The following ADAMTSL1 variants were observed in gnomAD, a reference collection of about 807,000 sequenced individuals.
ADAMTSL1 encodes ADAMTS-like protein 1.
A neutral mutation model predicts 201.8 loss-of-function variants in ADAMTSL1; 126 were observed. The observed-to-expected ratio is 0.62, with a 90% CI of 0.54 to 0.72. ADAMTSL1 has a LOEUF of 0.72. Among genes scored for constraint, ADAMTSL1 ranks in the 30% least tolerant of loss-of-function variants. ADAMTSL1 has a pLI of 0.00. For synonymous variants in ADAMTSL1, 1,121 were observed against 903.4 expected, an observed-to-expected ratio of 1.24 and a Z score of -4.32; for missense variants, 2,679 against 2,277.8, an observed-to-expected ratio of 1.18 and a Z score of -3.59.
intron 23 of ADAMTSL1, among the ~76,000 whole-genome samples, chr9:18,879,786 T>A (rs1041580256): frequency 1.2e-4 from 19 of 152,256 alleles, no homozygotes; most frequent in Admixed American, 9.2e-4. Context: ...ACAATGAAGT[T>A]TGCTGCATCG....
At chr9:18,472,490 A>G (rs188060696), upstream of ADAMTSL1, among the ~76,000 whole-genome samples, 68 of 152,366 alleles carry the variant, frequency 4.5e-4, 1 homozygote, top group African/African-American at 1.5e-3. Flanking sequence ...TAATCTTTGT[A>G]TGACCTTGAC....
chr9:18,354,182 A>G (rs1464385548), intron 2 of ADAMTSL1, among the ~76,000 whole-genome samples: 1 of 151,416 alleles, frequency 6.6e-6, no homozygotes, highest in South Asian at 2.1e-4. Context: ...ACATATTTAT[A>G]TTATCTTTTA....
chr9:18,664,169 C>T (rs989415367), intron 9 of ADAMTSL1, among the ~76,000 whole-genome samples: 2 of 152,034 alleles, frequency 1.3e-5, no homozygotes, highest in Admixed American at 6.6e-5. Context: ...GGGACAGCTG[C>T]TTCCGAAAAT....
At chr9:18,226,615 T>C (rs576521361) in intron 2 of ADAMTSL1, among the ~76,000 whole-genome samples, 2 of 152,246 alleles carry the variant, frequency 1.3e-5, no homozygotes, top group South Asian at 4.1e-4. Flanking sequence ...TGCCTACGCA[T>C]AAGTCTTCAC....
rs767408864 is a variant in ADAMTSL1 at position 18,753,207 on chromosome 9, G to A, written c.2007-91G>A. ...TGGGCTGGCACTTCCCACTTTCCCA[G>A]TTAGGGGTTTTAACTCCATTTGAGT... On this transcript the variant is annotated intron_variant, in intron 15 of 28. Transcript: ENST00000380548. 185 of 1,298,120 alleles carry A rather than the reference G, an allele frequency of 1.4e-4. 1 individual carries two copies. The highest frequency in any genetic ancestry group is 1.9e-4 in the Non-Finnish European group (172 of 917,284). 80.4% of individuals were successfully genotyped at this position (1,298,120 alleles called of 1,614,324 possible).
At chr9:18,194,121 A>C (rs1829080205) in intron 2 of ADAMTSL1, among the ~76,000 whole-genome samples, 1 of 152,062 alleles carries the variant, frequency 6.6e-6, no homozygotes, top group African/African-American at 2.4e-5. Flanking sequence ...GGGTTCTGAG[A>C]AGTAGGATGT....
chr9:18,096,393 G>A (rs1824254025), intron 1 of ADAMTSL1, among the ~76,000 whole-genome samples: 1 of 152,006 alleles, frequency 6.6e-6, no homozygotes, highest in Non-Finnish European at 1.5e-5. Flanking sequence ...GACCAACATT[G>A]TCTAATGGAA....
intron 2 of ADAMTSL1, among the ~76,000 whole-genome samples, chr9:18,463,414 C>T (rs1820882411): frequency 6.6e-6 from 1 of 151,916 alleles, no homozygotes; most frequent in African/African-American, 2.4e-5. Context: ...CTAATTTAAC[C>T]ATTTTAGGTG....
chr9:18,720,462 T>C (rs1833267303), intron 14 of ADAMTSL1, among the ~76,000 whole-genome samples: 1 of 152,232 alleles, frequency 6.6e-6, no homozygotes, highest in Non-Finnish European at 1.5e-5. Context: ...AAATGAAATG[T>C]CTGGTCATTA....
intron 2 of ADAMTSL1, among the ~76,000 whole-genome samples, chr9:18,187,966 T>C (rs533652346): frequency 6.6e-6 from 1 of 152,266 alleles, no homozygotes; most frequent in Non-Finnish European, 1.5e-5. Flanking sequence ...TTACTGAAAT[T>C]TAAGAACATG....
intron 1 of ADAMTSL1, among the ~76,000 whole-genome samples, chr9:17,979,067 G>A (rs528028625): frequency 1.8e-4 from 27 of 151,910 alleles, no homozygotes; most frequent in Non-Finnish European, 2.4e-4. Context: ...GTGTCTATGC[G>A]TGTGACAATC....
At chr9:18,029,800 T>C (rs969899160) in intron 1 of ADAMTSL1, among the ~76,000 whole-genome samples, 2 of 152,120 alleles carry the variant, frequency 1.3e-5, no homozygotes, top group Non-Finnish European at 2.9e-5. Context: ...GAAAAAACGC[T>C]CTTCATCACT....
intron 2 of ADAMTSL1, among the ~76,000 whole-genome samples, chr9:18,407,280 G>A (rs1251590700): frequency 6.6e-6 from 1 of 152,194 alleles, no homozygotes; most frequent in African/African-American, 2.4e-5. Context: ...TGATTGAGCA[G>A]TGGAAATTGA....
chr9:18,818,981 A>G (rs1249774638), intron 21 of ADAMTSL1, among the ~76,000 whole-genome samples: 1 of 152,116 alleles, frequency 6.6e-6, no homozygotes, highest in Non-Finnish European at 1.5e-5. Context: ...AGGGGTTGGC[A>G]TGAATGAGCT....
chr9:18,272,531 C>G (rs915175016), intron 2 of ADAMTSL1, among the ~76,000 whole-genome samples: 1 of 152,184 alleles, frequency 6.6e-6, no homozygotes, highest in Admixed American at 6.5e-5. Flanking sequence ...CAATACCATT[C>G]AGGACATAGG....
At chr9:18,763,917 G>A (rs1036794084) in intron 16 of ADAMTSL1, among the ~76,000 whole-genome samples, 3 of 152,156 alleles carry the variant, frequency 2.0e-5, no homozygotes, top group Admixed American at 6.5e-5. Context: ...GTCAGATAAT[G>A]TGATTCCTCC....
chr9:18,778,947 T>A (rs540434488), intron 19 of ADAMTSL1, among the ~76,000 whole-genome samples: 39 of 152,256 alleles, frequency 2.6e-4, no homozygotes, highest in Non-Finnish European at 4.8e-4. Context: ...AATGCTCTTT[T>A]CATTAAGTCT....
intron 1 of ADAMTSL1, among the ~76,000 whole-genome samples, chr9:18,041,930 A>G (rs1286849483): frequency 6.6e-6 from 1 of 152,104 alleles, no homozygotes; most frequent in East Asian, 1.9e-4. Flanking sequence ...TTGCATATCA[A>G]CCTGAGTGTC....
chr9:18,195,233 C>G (rs1829127550), intron 2 of ADAMTSL1, among the ~76,000 whole-genome samples: 1 of 152,032 alleles, frequency 6.6e-6, no homozygotes, highest in African/African-American at 2.4e-5. Flanking sequence ...GTGGTTCTAC[C>G]CTTGCGCAGC....
Sources: allele counts gnomAD v4.1 joint callset (sites outside exome capture counted in the v4.1 genomes callset), GRCh38; gene constraint gnomAD v4.1.1; transcripts MANE v1.5; gene names NCBI Gene and HGNC (gene_info 2026-07-23, HGNC 2026-07-21).